The following RELN variants were observed in gnomAD, a reference collection of about 807,000 sequenced individuals.
RELN encodes reelin.
Under a neutral mutation model 427.6 loss-of-function variants are expected in RELN, and 108 were observed. The ratio of observed to expected loss-of-function variants is 0.25; its 90% CI spans 0.22 to 0.30. RELN has a LOEUF of 0.30. Ranked by LOEUF, RELN falls within the 10% of genes least tolerant of loss-of-function variation. RELN has a pLI of 1.00. For synonymous variants in RELN, 1,524 were observed against 1,513.4 expected (o/e 1.01, Z -0.16); for missense variants, 3,715 against 4,302.8 (o/e 0.86, Z 3.82).
intron 7 of RELN, 55 bp downstream of exon 7, chr7:103,728,055 CA>C: frequency 6.4e-7 from 1 of 1,572,762 alleles, no homozygotes; most frequent in South Asian, 1.1e-5. Context: ...CTTTTGTTGG[CA>C]AAAAGCTCAG....
intron 1 of RELN, among the ~76,000 whole-genome samples, chr7:103,934,472 C>G (rs1253061921): frequency 6.6e-6 from 1 of 152,184 alleles, no homozygotes; most frequent in African/African-American, 2.4e-5. Context: ...TGATCATATC[C>G]TACATCCCCC....
intron 57 of RELN, among the ~76,000 whole-genome samples, chr7:103,493,513 G>T (rs1014045072): frequency 2.0e-5 from 3 of 152,172 alleles, no homozygotes; most frequent in Non-Finnish European, 4.4e-5. Flanking sequence ...TTGTTAGCCA[G>T]TCAAGGTTGG....
At chr7:103,688,621 AT>A (rs541646209) in intron 10 of RELN, among the ~76,000 whole-genome samples, 55 of 151,874 alleles carry the variant, frequency 3.6e-4, no homozygotes, top group Admixed American at 8.5e-4. Context: ...GACAAATTAC[AT>A]TTTTTTTCAT....
intron 16 of RELN, among the ~76,000 whole-genome samples, chr7:103,648,003 A>C (rs1165756596): frequency 1.3e-5 from 2 of 152,126 alleles, no homozygotes; most frequent in African/African-American, 4.8e-5. Flanking sequence ...GGCCATTTGC[A>C]GAAGAATGAA....
chr7:103,796,251 G>A (rs1184268938), intron 3 of RELN, among the ~76,000 whole-genome samples: 1 of 152,092 alleles, frequency 6.6e-6, no homozygotes, highest in Non-Finnish European at 1.5e-5. Context: ...GTGAGTATTT[G>A]GAAACGCAAA....
At chr7:103,601,640 T>G (rs1485372387) in intron 24 of RELN, among the ~76,000 whole-genome samples, 1 of 152,172 alleles carries the variant, frequency 6.6e-6, no homozygotes, top group Non-Finnish European at 1.5e-5. Flanking sequence ...AGATTAGGGT[T>G]AGACACATTG....
At position 103,824,262 on chromosome 7, in the gene RELN, T is replaced by C. The variant is rs1793077292; in HGVS notation, c.473+9275A>G. Among the ~76,000 whole-genome samples the C allele has an allele frequency of 6.6e-6, 1 of 152,146 alleles. No individual in the cohort carries two copies. Among genetic ancestry groups the C allele is most frequent in the East Asian group, 1.9e-4 (1 of 5,194 alleles). On this transcript the variant is annotated intron_variant, in intron 3 of 64. Transcript: ENST00000428762. This position sits in a 1 kb window ranked among gnomAD's most constrained non-coding sequence, Gnocchi z 4.4. ...TTCAATTAGATGTTAATTTCTTCACTTGGAGTTCTGCACAGATTACTAATG... is the reference window on the plus strand; with the variant it reads ...TTCAATTAGATGTTAATTTCTTCACCTGGAGTTCTGCACAGATTACTAATG...
chr7:103,972,894 A>ATGTGTGTGTGTGTGTGTGTGTG (rs34930399), intron 1 of RELN, among the ~76,000 whole-genome samples: 16 of 149,272 alleles, frequency 1.1e-4, no homozygotes, highest in African/African-American at 4.0e-4. Context: ...GCATATGATT[A>ATGTGTGTGTGTGTGTGTGTGTG]TGTGTGTGTG....
intron 2 of RELN, among the ~76,000 whole-genome samples, chr7:103,868,266 C>G (rs1295935250): frequency 6.6e-6 from 1 of 152,000 alleles, no homozygotes; most frequent in East Asian, 1.9e-4. Context: ...TTGGTTGAAC[C>G]ATCTGATATA....
chr7:103,774,273 G>C (rs1584482712), intron 4 of RELN, among the ~76,000 whole-genome samples: 2 of 148,490 alleles, frequency 1.3e-5, no homozygotes, highest in Admixed American at 6.7e-5. Flanking sequence ...CTCCAGCCTG[G>C]GTGACAGAGC....
chr7:103,955,631 T>C (rs113829026), intron 1 of RELN, among the ~76,000 whole-genome samples: 2,517 of 152,266 alleles, frequency 0.017, 63 homozygotes, highest in African/African-American at 0.054. Context: ...TAGGATAGTG[T>C]TGTTGTTTTA....
At chr7:103,848,890 T>A (rs1396413329) in intron 2 of RELN, among the ~76,000 whole-genome samples, 2 of 152,218 alleles carry the variant, frequency 1.3e-5, no homozygotes, top group Non-Finnish European at 2.9e-5. Flanking sequence ...ACACTTTGTG[T>A]ACCTCACCCC....
chr7:103,723,700 G>C (rs1439624785), intron 7 of RELN, among the ~76,000 whole-genome samples: 1 of 152,162 alleles, frequency 6.6e-6, no homozygotes, highest in African/African-American at 2.4e-5. Flanking sequence ...GGAGGGGTGT[G>C]ATGAAATGGT....
At chr7:103,734,836 G>T (rs1268172462) in intron 6 of RELN, among the ~76,000 whole-genome samples, 1 of 152,106 alleles carries the variant, frequency 6.6e-6, no homozygotes, top group Admixed American at 6.6e-5. Flanking sequence ...CATTTATTTT[G>T]AAAATTTACA....
At chr7:103,484,132 G>A (rs1031644548) in intron 61 of RELN, 3 of 418,876 alleles carry the variant, frequency 7.2e-6, no homozygotes, top group East Asian at 5.1e-5. Context: ...CACCCACCTC[G>A]GCCTCCCAAA....
At chr7:103,800,075 A>G (rs1792407565) in intron 3 of RELN, among the ~76,000 whole-genome samples, 1 of 152,220 alleles carries the variant, frequency 6.6e-6, no homozygotes, top group African/African-American at 2.4e-5. Flanking sequence ...GAAAACTGGC[A>G]CAAGACAGGG....
At chr7:103,804,163 A>C (rs262329) in intron 3 of RELN, among the ~76,000 whole-genome samples, 2 of 152,092 alleles carry the variant, frequency 1.3e-5, no homozygotes, top group Non-Finnish European at 2.9e-5. Context: ...TAATCTTTCT[A>C]TCTTGCATTT....
chr7:103,950,862 T>G (rs898869566), intron 1 of RELN, among the ~76,000 whole-genome samples: 2 of 152,230 alleles, frequency 1.3e-5, no homozygotes, highest in Non-Finnish European at 2.9e-5. Context: ...TAAATAAGAT[T>G]GAAATGTTGT....
chr7:103,889,198 A>C (rs1794790767), intron 2 of RELN, among the ~76,000 whole-genome samples: 1 of 152,208 alleles, frequency 6.6e-6, no homozygotes, highest in South Asian at 2.1e-4. Context: ...TTAGAACATG[A>C]AAACAATCTA....
Sources: allele counts gnomAD v4.1 joint callset (sites outside exome capture counted in the v4.1 genomes callset), GRCh38; gene constraint gnomAD v4.1.1; non-coding constraint Gnocchi (gnomAD v3.1); transcripts MANE v1.5; gene names NCBI Gene and HGNC (gene_info 2026-07-23, HGNC 2026-07-21).